Variants in ERCC1 observed in about 807,000 individuals in gnomAD.
ERCC1 encodes the protein DNA excision repair protein ERCC-1.
A neutral mutation model predicts 37.6 loss-of-function variants in ERCC1; 36 were observed. The observed-to-expected ratio is 0.96, with a 90% CI of 0.73 to 1.26. The LOEUF (loss-of-function observed/expected upper bound fraction) is 1.26, where lower values mean the gene tolerates loss of function less well. ERCC1 is among the 50% of genes most tolerant of loss of function. The pLI is 0.00. For synonymous variants in ERCC1, 156 were observed against 162.1 expected, an observed-to-expected ratio of 0.96 and a Z score of 0.28; for missense variants, 349 against 376.5, an observed-to-expected ratio of 0.93 and a Z score of 0.60.
At chr19:45,433,384 G>A (rs1974885250) in intron 1 of ERCC1, among the ~76,000 whole-genome samples, 1 of 151,978 alleles carries the variant, frequency 6.6e-6, no homozygotes, top group South Asian at 2.1e-4. Context: ...AAATTAGCCA[G>A]GCGTGGTGGC....
Position 45,408,424 on chromosome 19 carries a change from T to C in ERCC1, c.*1251A>G, listed in dbSNP as rs1973481206. 1.9e-6 allele frequency: 3 copies of C among 1,613,544 alleles called. No individual in the cohort carries two copies. Among genetic ancestry groups the C allele is most frequent in the Non-Finnish European group, 2.5e-6 (3 of 1,179,826 alleles). Reference sequence around the variant, plus strand: ...GCCTGAGGCCTCGGTTCTGTGCCTTTGGGGGCAACCCACCAGTCACAGGGC... The same window carrying C: ...GCCTGAGGCCTCGGTTCTGTGCCTTCGGGGGCAACCCACCAGTCACAGGGC... On this transcript the variant is annotated 3_prime_UTR_variant, in exon 10 of 10. Transcript: ENST00000300853.
At chr19:45,418,551 C>T (rs943960812) in intron 5 of ERCC1, among the ~76,000 whole-genome samples, 2 of 149,826 alleles carry the variant, frequency 1.3e-5, no homozygotes, top group Non-Finnish European at 3.0e-5. Flanking sequence ...TGGCCAGGCA[C>T]GGTGGCTCAT....
At chr19:45,415,776 C>A in intron 6 of ERCC1, 1 of 455,938 alleles carries the variant, frequency 2.2e-6, no homozygotes, top group Non-Finnish European at 4.4e-6. Flanking sequence ...CTCTTGGGAG[C>A]CCAACCCCAC....
At position 45,413,994 on chromosome 19, in the gene ERCC1, G is replaced by C; in HGVS notation, c.743C>G (p.Thr248Arg). The change falls in exon 8 of 10, where the codon ACG (threonine) becomes AGG (arginine). Residue 248 changes from threonine (T) to arginine (R), a missense_variant. Thr to Arg is a moderately conservative substitution (Grantham distance 71, BLOSUM62 -1). Transcript: ENST00000300853. Reference sequence around the variant, plus strand: ...TGTGGTCAGGAGGGTCTGACTGTCCGTTTTGTTGACTGACTTCACGGTGGT... The same window carrying C: ...TGTGGTCAGGAGGGTCTGACTGTCCCTTTTGTTGACTGACTTCACGGTGGT... ...CLTTVKSVNKTDSQTLLTTFG... is the reference protein window; with the variant it reads ...CLTTVKSVNKRDSQTLLTTFG... The C allele has an allele frequency of 6.2e-7, 1 of 1,613,890 alleles. No homozygotes were observed. Among genetic ancestry groups the C allele is most frequent in the Non-Finnish European group, 8.5e-7 (1 of 1,179,972 alleles).
At position 45,409,018 on chromosome 19, in the gene ERCC1, G is replaced by A. The variant is rs762979974; in HGVS notation, c.*657C>T. On this transcript the variant is annotated 3_prime_UTR_variant, in exon 10 of 10. Coordinates refer to ENST00000300853, the MANE Select transcript of ERCC1 (RefSeq NM_001983.4). ...CAGGGACGGAGGCGATGGAGCCAGT[G>A]GAGCCGGAGATGAAGCCTCTGGAGT... 3.1e-6 allele frequency: 5 copies of A among 1,614,138 alleles called. No homozygotes were observed. The highest frequency in any genetic ancestry group is 2.2e-5 in the East Asian group (1 of 44,878).
At chr19:45,434,937 G>A (rs987247809) in intron 1 of ERCC1, among the ~76,000 whole-genome samples, 2 of 151,716 alleles carry the variant, frequency 1.3e-5, no homozygotes, top group East Asian at 1.9e-4. Flanking sequence ...CACCACGCCC[G>A]GCTAATTTTT....
chr19:45,444,016 C>A (rs1284583444), intron 1 of ERCC1, among the ~76,000 whole-genome samples: 2 of 149,920 alleles, frequency 1.3e-5, no homozygotes, highest in African/African-American at 4.9e-5. Flanking sequence ...TCATCCATAC[C>A]GGGCCCCTCT....
At chr19:45,428,710 G>A (rs1053637781), upstream of ERCC1, among the ~76,000 whole-genome samples, 1 of 152,240 alleles carries the variant, frequency 6.6e-6, no homozygotes. Flanking sequence ...TGAACGGGGG[G>A]CGGAGAGCAG....
In ERCC1 at chr19:45,409,251, A is replaced by G; in HGVS notation, c.*424T>C. 4 of 1,613,442 alleles carry G rather than the reference A, an allele frequency of 2.5e-6. No homozygotes were observed. Among genetic ancestry groups the G allele is most frequent in the Non-Finnish European group, 3.4e-6 (4 of 1,179,654 alleles). Reference sequence around the variant, plus strand: ...TCCACCAAGAAGAAGAAGAAGAAGAAAGAGAGAGGTCACACAGTGACTGAG... The same window carrying G: ...TCCACCAAGAAGAAGAAGAAGAAGAGAGAGAGAGGTCACACAGTGACTGAG... On this transcript the variant is annotated 3_prime_UTR_variant, in exon 10 of 10. Transcript: ENST00000300853.
At chr19:45,418,130 C>A (rs1253113068) in intron 5 of ERCC1, among the ~76,000 whole-genome samples, 2 of 151,988 alleles carry the variant, frequency 1.3e-5, no homozygotes, top group African/African-American at 4.8e-5. Context: ...TTAGGATCAC[C>A]TGAGATCAGA....
In ERCC1 at chr19:45,421,357, T is replaced by C; in HGVS notation, c.142A>G (p.Thr48Ala). Residue 48 changes from threonine (T) to alanine (A), a missense_variant, in exon 3 of 10, where the codon ACT (threonine) becomes GCT (alanine). Transcript: ENST00000300853. ...GCCGCCTGGGCCGAGGTGTCCACAG[T>C]GGGAAGGCTCTGTGTAGATCGGAAT... ...PLFRSTQSLP[T>A]VDTSAQAAPQ... 6.2e-7 allele frequency: 1 copy of C among 1,613,734 alleles called. No individual in the cohort carries two copies. Among genetic ancestry groups the C allele is most frequent in the Non-Finnish European group, 8.5e-7 (1 of 1,179,950 alleles).
intron 1 of ERCC1, among the ~76,000 whole-genome samples, chr19:45,439,721 G>C (rs1975069134): frequency 6.6e-6 from 1 of 151,976 alleles, no homozygotes; most frequent in African/African-American, 2.4e-5. Flanking sequence ...CGCCCTGCCG[G>C]CTCGCCGGCG....
chr19:45,411,966 C>T (rs1308576830), intron 9 of ERCC1, among the ~76,000 whole-genome samples: 1 of 151,788 alleles, frequency 6.6e-6, no homozygotes, highest in Non-Finnish European at 1.5e-5. Flanking sequence ...ATGCCATTCT[C>T]CTGCCTCAGC....
chr19:45,414,070 G>A (rs765926588), intron 7 of ERCC1, 36 bp from the exon 8 acceptor site: 30 of 1,567,752 alleles, frequency 1.9e-5, no homozygotes, highest in Non-Finnish European at 2.4e-5. Flanking sequence ...GTCGGAAGAA[G>A]AAAGGCCAGC....
Position 45,408,630 on chromosome 19 carries a change from T to A in ERCC1, c.*1045A>T. The A allele has an allele frequency of 6.2e-7, 1 of 1,612,284 alleles. No homozygotes were observed. Among genetic ancestry groups the A allele is most frequent in the Non-Finnish European group, 8.5e-7 (1 of 1,179,640 alleles). ...AAGAAGAAGAAAAAAAATCAGCAGC[T>A]GAAAGAACCAGAGGCAGCAGGGCCT... is the stretch of plus-strand genomic sequence containing the variant. On this transcript the variant is annotated 3_prime_UTR_variant, in exon 10 of 10. Transcript: ENST00000300853.
intron 1 of ERCC1, among the ~76,000 whole-genome samples, chr19:45,433,600 A>G (rs1974891288): frequency 6.6e-6 from 1 of 151,888 alleles, no homozygotes; most frequent in South Asian, 2.1e-4. Flanking sequence ...AGGCCAGAGA[A>G]TTGCTTGAAC....
chr19:45,416,621 G>C, intron 6 of ERCC1, 200 bp downstream of exon 6: 1 of 571,610 alleles, frequency 1.7e-6, no homozygotes, highest in East Asian at 2.9e-5. Flanking sequence ...CTAGGGGACA[G>C]AGTGAGGCTC....
rs774090319 is a variant in ERCC1, at chr19:45,409,380, G to A, written c.*295C>T. On this transcript the variant is annotated 3_prime_UTR_variant, in exon 10 of 10. Coordinates refer to ENST00000300853, the MANE Select transcript of ERCC1 (RefSeq NM_001983.4). ...AGGAAGAAGCAGAGTCAGGAAAGCC[G>A]GATGCCAGAGACAGTGCCCCAAGAG... The A allele has an allele frequency of 2.5e-5, 40 of 1,613,934 alleles. 1 individual carries two copies. Among genetic ancestry groups the A allele is most frequent in the Non-Finnish European group, 2.5e-5 (29 of 1,179,996 alleles).
intron 1 of ERCC1, among the ~76,000 whole-genome samples, chr19:45,448,081 A>C (rs1437975098): frequency 2.6e-5 from 4 of 152,134 alleles, no homozygotes; most frequent in African/African-American, 9.7e-5. Flanking sequence ...CATGCTGGCC[A>C]TGCTGGTCTC....
Sources: allele counts gnomAD v4.1 joint callset (sites outside exome capture counted in the v4.1 genomes callset), GRCh38; gene constraint gnomAD v4.1.1; transcripts MANE v1.5; gene names NCBI Gene and HGNC (gene_info 2026-07-23, HGNC 2026-07-21).